Variants in RIPOR2 observed in about 807,000 individuals in gnomAD.
RIPOR2 encodes the protein rho family-interacting cell polarization regulator 2.
In RIPOR2, 39 loss-of-function variants were observed where a neutral mutation model predicts 114.5. That is an observed-to-expected ratio of 0.34 (90% CI 0.26 to 0.44). RIPOR2 has a LOEUF of 0.44. Among genes scored for constraint, RIPOR2 ranks in the 20% least tolerant of loss-of-function variants. RIPOR2 has a pLI of 1.00. For missense variants in RIPOR2, 1,007 were observed against 1,255.1 expected (o/e 0.80, Z 2.99); for synonymous variants, 445 against 484.4 (o/e 0.92, Z 1.07).
chr6:24,935,965 A>AC, upstream of RIPOR2: 1 of 1,208,762 alleles, frequency 8.3e-7, no homozygotes, highest in East Asian at 2.5e-5. Flanking sequence ...CACACTGCCG[A>AC]CCGAGGTGAT....
At chr6:24,847,850 A>G (rs1425866543) in intron 12 of RIPOR2, among the ~76,000 whole-genome samples, 175 bp downstream of exon 12, 2 of 152,222 alleles carry the variant, frequency 1.3e-5, no homozygotes. Context: ...AAAAATCTAC[A>G]TGTTACCATC....
At chr6:25,024,572 A>G in intron 1 of RIPOR2, 2 of 534,342 alleles carry the variant, frequency 3.7e-6, no homozygotes, top group Non-Finnish European at 6.8e-6. Context: ...CAGCAGTGGC[A>G]GGCGACAGAA....
chr6:24,865,360 T>G lies in RIPOR2; in HGVS notation c.592A>C (p.Ser198Arg). The G allele has an allele frequency of 1.2e-6, 2 of 1,613,724 alleles. No homozygotes were observed. The highest frequency in any genetic ancestry group is 2.2e-5 in the South Asian group (2 of 90,984). The change falls in exon 7 of 22, where the codon AGC becomes CGC. Residue 198 changes from serine (S) to arginine (R), a missense_variant. By Grantham distance (110) the Ser-to-Arg change is moderately radical (BLOSUM62 -1). Coordinates refer to ENST00000643898, the MANE Select transcript of RIPOR2 (RefSeq NM_001286445.3). The part of the protein sequence containing the change: ...MKQAFATSPA[S>R]KAARESLTEI... ...GTCAGACTCTCCCGGGCAGCTTTGC[T>G]GGCAGGGGATGTTGCGAAGGCTTGC...
Position 25,022,531 on chromosome 6 carries a change from C to CTTTTTTTTTTTTTTTTTTTTTTTTTT in RIPOR2, c.76+19319_76+19320insAAAAAAAAAAAAAAAAAAAAAAAAAA, listed in dbSNP as rs1561848668. ...CACATATAACTAATGTGGTACCTTCCATTTTTTTTTTTTTTTTTTTTTTTT... is the reference window on the plus strand; with the variant it reads ...CACATATAACTAATGTGGTACCTTCCTTTTTTTTTTTTTTTTTTTTTTTTTTATTTTTTTTTTTTTTTTTTTTTTTT... On this transcript the variant is annotated intron_variant, in intron 1 of 13. Coordinates refer to the RIPOR2 transcript ENST00000510784. Among the ~76,000 whole-genome samples the CTTTTTTTTTTTTTTTTTTTTTTTTTT allele has an allele frequency of 3.3e-4, 21 of 64,506 alleles. 4 individuals are homozygous for CTTTTTTTTTTTTTTTTTTTTTTTTTT. Among genetic ancestry groups the CTTTTTTTTTTTTTTTTTTTTTTTTTT allele is most frequent in the Non-Finnish European group, 6.9e-4 (20 of 29,024 alleles). The allele number at this position is 64,506 out of a possible 152,430, so 42.3% of individuals were successfully genotyped here.
intron 1 of RIPOR2, among the ~76,000 whole-genome samples, chr6:24,960,688 C>G (rs1318596471): frequency 6.6e-6 from 1 of 152,060 alleles, no homozygotes; most frequent in East Asian, 1.9e-4. Context: ...CTGTAGTGCA[C>G]CTGGCTAATT....
intron 1 of RIPOR2, among the ~76,000 whole-genome samples, chr6:24,958,958 C>CTTTTTTTTTTTTTTTT (rs1554124803): frequency 2.4e-5 from 3 of 123,214 alleles, no homozygotes; most frequent in South Asian, 2.5e-4. Flanking sequence ...TCTACATTTT[C>CTTTTTTTTTTTTTTTT]TTTTTTTTTT....
exon 1 of RIPOR2, chr6:25,041,991 T>C (rs1363684363): frequency 3.1e-6 from 2 of 636,668 alleles, no homozygotes; most frequent in Admixed American, 2.7e-5. Context: ...GCAGCTATCC[T>C]GGAAGTTAAG....
intron 1 of RIPOR2, among the ~76,000 whole-genome samples, chr6:24,993,305 T>G (rs1416898849): frequency 3.3e-5 from 5 of 152,388 alleles, no homozygotes; most frequent in Non-Finnish European, 7.3e-5. Context: ...GACCTTCTTG[T>G]TGAATTGAAG....
At chr6:24,998,967 T>A (rs1333014599) in intron 1 of RIPOR2, among the ~76,000 whole-genome samples, 1 of 152,148 alleles carries the variant, frequency 6.6e-6, no homozygotes, top group African/African-American at 2.4e-5. Context: ...GGGATGCATA[T>A]TCCTTTTGCC....
chr6:24,921,468 ATCT>A (rs1770480961), intron 1 of RIPOR2, among the ~76,000 whole-genome samples: 1 of 151,390 alleles, frequency 6.6e-6, no homozygotes, highest in African/African-American at 2.4e-5. Flanking sequence ...CCAGCCTTAG[ATCT>A]TCTACCATTC....
rs35638159 is a variant in RIPOR2 at position 24,819,662 on chromosome 6, ATTTT to A, written c.2869-1041_2869-1038del. Among the ~76,000 whole-genome samples the A allele has an allele frequency of 5.8e-5, 6 of 103,302 alleles. 1 individual carries two copies. The highest frequency in any genetic ancestry group is 9.5e-4 in the East Asian group (2 of 2,096). The allele number at this position is 103,302 out of a possible 152,430, so 67.8% of individuals were successfully genotyped here. The stretch of plus-strand genomic sequence containing the variant: ...AGGTGCCCACCACCACGCCCAGCTA[ATTTT>A]TTTTTTTTTTTTTTTTAGTGGAGAC... On this transcript the variant is annotated intron_variant, in intron 19 of 21. Transcript: ENST00000643898.
At chr6:24,870,650 GCA>G (rs908075454) in intron 5 of RIPOR2, among the ~76,000 whole-genome samples, 4 of 152,168 alleles carry the variant, frequency 2.6e-5, no homozygotes, top group Non-Finnish European at 5.9e-5. Context: ...GGGACCACAG[GCA>G]CACACTACCA....
chr6:25,014,579 C>G (rs1775893379), intron 1 of RIPOR2, among the ~76,000 whole-genome samples: 1 of 152,166 alleles, frequency 6.6e-6, no homozygotes, highest in Non-Finnish European at 1.5e-5. Flanking sequence ...TCCCATTGTC[C>G]TAATAAAAGC....
At chr6:24,902,218 C>CT (rs112603611) in intron 1 of RIPOR2, among the ~76,000 whole-genome samples, 3,992 of 143,352 alleles carry the variant, frequency 0.028, 76 homozygotes, top group African/African-American at 0.053. Flanking sequence ...CTTTCTTTTT[C>CT]TTTTTTTTTT....
Position 24,818,546 on chromosome 6 carries a change from A to C in RIPOR2, c.2948T>G (p.Leu983Arg). 2 of 1,548,862 alleles carry C rather than the reference A, an allele frequency of 1.3e-6. No homozygotes were observed. Among genetic ancestry groups the C allele is most frequent in the Non-Finnish European group, 1.7e-6 (2 of 1,144,998 alleles). The change falls in exon 20 of 22, where the codon CTT (leucine) becomes CGT (arginine). Residue 983 changes from leucine to arginine, a missense_variant. Transcript: ENST00000643898. ...QKAACLALKI[L>R]EATESIKMLV... The stretch of plus-strand genomic sequence containing the variant: ...AGCTCCAAGGCTGGGCTTTACCTCA[A>C]GGATTTTCAGAGCCAGGCAAGCTGC...
At chr6:24,874,350 A>G (rs1039694197) in intron 2 of RIPOR2, among the ~76,000 whole-genome samples, 1 of 152,144 alleles carries the variant, frequency 6.6e-6, no homozygotes, top group African/African-American at 2.4e-5. Flanking sequence ...GCTTCAAGCA[A>G]TCCTCCAGCC....
chr6:24,881,569 C>T (rs957313888), intron 1 of RIPOR2, among the ~76,000 whole-genome samples: 1 of 152,214 alleles, frequency 6.6e-6, no homozygotes, highest in African/African-American at 2.4e-5. Flanking sequence ...AAAGCCACAG[C>T]TGTTTCTCGT....
At chr6:24,968,354 C>T (rs1773628509) in intron 1 of RIPOR2, among the ~76,000 whole-genome samples, 1 of 152,176 alleles carries the variant, frequency 6.6e-6, no homozygotes. Flanking sequence ...AGGACCCCTC[C>T]ACTTCTGGAA....
At chr6:24,869,817 AT>A (rs1331122275) in intron 5 of RIPOR2, among the ~76,000 whole-genome samples, 1 of 152,082 alleles carries the variant, frequency 6.6e-6, no homozygotes, top group African/African-American at 2.4e-5. Flanking sequence ...TTTTTTTCCC[AT>A]TCACATTTTA....
Sources: gnomAD v4.1 joint callset for allele counts (sites outside exome capture counted in the v4.1 genomes callset) on GRCh38, gnomAD v4.1.1 for gene constraint, MANE v1.5 for transcripts, NCBI Gene and HGNC (gene_info 2026-07-23, HGNC 2026-07-21) for gene names.